Variants in SEC14L5 observed in about 807,000 individuals in gnomAD.
The protein encoded by SEC14L5 is SEC14-like protein 5.
A neutral mutation model predicts 84.6 loss-of-function variants in SEC14L5; 96 were observed. The ratio of observed to expected loss-of-function variants is 1.13; its 90% CI spans 0.96 to 1.34. The LOEUF is 1.34. SEC14L5 is among the 40% of genes most tolerant of loss of function. The pLI is 0.00. For missense variants in SEC14L5, 1,224 were observed against 942.5 expected (o/e 1.30, Z -3.91); for synonymous variants, 546 against 383.4 (o/e 1.42, Z -4.95).
chr16:4,966,156 C>T (rs1267678476), intron 2 of SEC14L5, among the ~76,000 whole-genome samples: 3 of 151,608 alleles, frequency 2.0e-5, no homozygotes, highest in East Asian at 1.9e-4. Context: ...TTAGTAGAGA[C>T]GGGGTTTCAC....
At chr16:4,999,263 C>G (rs985063850) in intron 8 of SEC14L5, among the ~76,000 whole-genome samples, 5 of 152,128 alleles carry the variant, frequency 3.3e-5, no homozygotes, top group Non-Finnish European at 5.9e-5. Flanking sequence ...GGCTGCTGGC[C>G]GTGAGTTCAA....
At chr16:4,985,182 T>A (rs903238789) in intron 2 of SEC14L5, among the ~76,000 whole-genome samples, 2 of 152,170 alleles carry the variant, frequency 1.3e-5, no homozygotes, top group Non-Finnish European at 2.9e-5. Context: ...CTAAGAGTTT[T>A]GTAGTTTTTA....
rs755321561 is a variant in SEC14L5, at chr16:5,015,179, C to G, written c.*209C>G. On this transcript the variant is annotated 3_prime_UTR_variant, in exon 16 of 16. Coordinates refer to ENST00000251170, the MANE Select transcript of SEC14L5 (RefSeq NM_014692.2). ...GCTCTTGAAATTGCAAGGACAGAAC[C>G]ATCTCCTTCCGGCTTCGTGTAAGGA... The G allele has an allele frequency of 4.0e-5, 23 of 572,998 alleles. No individual in the cohort carries two copies. The highest frequency in any genetic ancestry group is 5.9e-5 in the Non-Finnish European group (19 of 322,492). The allele number at this position is 572,998 out of a possible 1,614,324, so 35.5% of individuals were successfully genotyped here.
At chr16:4,997,533 AG>A (rs1197927760) in intron 8 of SEC14L5, among the ~76,000 whole-genome samples, 1 of 152,210 alleles carries the variant, frequency 6.6e-6, no homozygotes, top group Non-Finnish European at 1.5e-5. Flanking sequence ...TTGGGGCTTG[AG>A]GAGGAGACAT....
chr16:4,992,957 C>T (rs935791916), intron 6 of SEC14L5, among the ~76,000 whole-genome samples: 2 of 152,114 alleles, frequency 1.3e-5, no homozygotes, highest in East Asian at 1.9e-4. Flanking sequence ...CTAATGTTGC[C>T]TGAAAAACTT....
At position 5,011,009 on chromosome 16, in the gene SEC14L5, G is replaced by A. The variant is rs1955793364; in HGVS notation, c.1801-86G>A. ...GAGAAGAGCCCCAATTTCCAGGCCT[G>A]GTGATGAGAAGCCCATGAAGGCTCA... On this transcript the variant is annotated intron_variant, in intron 14 of 15. Coordinates refer to ENST00000251170, the MANE Select transcript of SEC14L5 (RefSeq NM_014692.2). The A allele has an allele frequency of 2.3e-6, 3 of 1,320,374 alleles. No individual in the cohort carries two copies. In the South Asian group the frequency reaches 4.2e-5, roughly 18 times the overall value. 81.8% of individuals were successfully genotyped at this position (1,320,374 alleles called of 1,614,324 possible).
intron 8 of SEC14L5, among the ~76,000 whole-genome samples, chr16:5,000,290 CAAATA>C (rs1555530638): frequency 6.6e-6 from 1 of 152,106 alleles, no homozygotes; most frequent in Non-Finnish European, 1.5e-5. Flanking sequence ...GACTCTGTCT[CAAATA>C]AATACATAAA....
intron 2 of SEC14L5, among the ~76,000 whole-genome samples, chr16:4,967,561 C>CATTTT: frequency 1.2e-5 from 1 of 86,272 alleles, no homozygotes; most frequent in Non-Finnish European, 2.2e-5. Flanking sequence ...TTCTTTCTTT[C>CATTTT]GTTTTTTTTT....
chr16:4,962,910 AC>A (rs1955143891), intron 2 of SEC14L5, among the ~76,000 whole-genome samples: 1 of 152,208 alleles, frequency 6.6e-6, no homozygotes, highest in Admixed American at 6.5e-5. Flanking sequence ...CGTAACTTGC[AC>A]ACTGTGGAAG....
intron 15 of SEC14L5, among the ~76,000 whole-genome samples, chr16:5,014,455 G>C (rs1177751600): frequency 1.3e-5 from 2 of 152,366 alleles, no homozygotes; most frequent in Middle Eastern, 6.8e-3. Flanking sequence ...CAGACAGCTG[G>C]GGGAGGAGAG....
At chr16:5,002,033 G>A (rs949702300) in intron 10 of SEC14L5, among the ~76,000 whole-genome samples, 5 of 152,228 alleles carry the variant, frequency 3.3e-5, no homozygotes, top group Admixed American at 3.3e-4. Context: ...GCCTTCCAAA[G>A]GGTTGGGATT....
intron 11 of SEC14L5, among the ~76,000 whole-genome samples, chr16:5,005,147 C>A (rs937571380): frequency 6.6e-6 from 1 of 152,118 alleles, no homozygotes; most frequent in East Asian, 1.9e-4. Flanking sequence ...TACAAAAGTA[C>A]AAAATTAAAA....
At chr16:4,971,866 CA>C (rs1955284738) in intron 2 of SEC14L5, among the ~76,000 whole-genome samples, 1 of 152,138 alleles carries the variant, frequency 6.6e-6, no homozygotes, top group African/African-American at 2.4e-5. Context: ...TACAATGTCC[CA>C]GGTGTTGTAC....
chr16:4,977,243 T>C (rs915872628), intron 2 of SEC14L5, among the ~76,000 whole-genome samples: 3 of 151,722 alleles, frequency 2.0e-5, no homozygotes, highest in African/African-American at 7.3e-5. Context: ...GGTCAGGAGT[T>C]CGAGACCAGC....
In SEC14L5 at chr16:5,006,481, G is replaced by A. The variant is rs141731685; in HGVS notation, c.1437+433G>A. Among the ~76,000 whole-genome samples, 335 of 152,272 alleles carry A rather than the reference G, an allele frequency of 2.2e-3. 1 individual carries two copies. The highest frequency in any genetic ancestry group is 7.4e-3 in the African/African-American group (308 of 41,556). ...CCTCCAACCCACAGCCACACAGCCT[G>A]AAACGATCAGGAACCCCCTTCAAGG... is the stretch of plus-strand genomic sequence containing the variant. On this transcript the variant is annotated intron_variant, in intron 12 of 15. Coordinates refer to ENST00000251170, the MANE Select transcript of SEC14L5 (RefSeq NM_014692.2).
At chr16:4,978,719 C>T (rs1213941110) in intron 2 of SEC14L5, among the ~76,000 whole-genome samples, 3 of 152,078 alleles carry the variant, frequency 2.0e-5, no homozygotes, top group Non-Finnish European at 4.4e-5. Context: ...TTTCCTGCCT[C>T]AGCCTCCCGA....
chr16:4,987,508 G>GA, intron 2 of SEC14L5, 49 bp from the exon 3 acceptor site: 2 of 1,445,166 alleles, frequency 1.4e-6, no homozygotes, highest in Non-Finnish European at 9.2e-7. Flanking sequence ...GGGGGGGGGG[G>GA]TCCCTCTGCC....
At chr16:4,994,531 A>G (rs1454751240) in intron 6 of SEC14L5, among the ~76,000 whole-genome samples, 1 of 151,982 alleles carries the variant, frequency 6.6e-6, no homozygotes, top group Non-Finnish European at 1.5e-5. Context: ...TTTAGTAGAG[A>G]CAGGGTTTCA....
chr16:5,013,530 G>T lies in SEC14L5; in HGVS notation c.1980-1329G>T, dbSNP rs1955832066. Among the ~76,000 whole-genome samples, 3 of 147,496 alleles carry T rather than the reference G, an allele frequency of 2.0e-5. No individual in the cohort carries two copies. In the Admixed American group the frequency reaches 2.0e-4, roughly 10 times the overall value. ...GCTTCCCAAGTAGCTGGGACTATAG[G>T]CATGGGCTAGCTTGCCTGGCTTTTT... On this transcript the variant is annotated intron_variant, in intron 15 of 15. Coordinates refer to ENST00000251170, the MANE Select transcript of SEC14L5 (RefSeq NM_014692.2).
Sources: gnomAD v4.1 joint callset for allele counts (sites outside exome capture counted in the v4.1 genomes callset) on GRCh38, gnomAD v4.1.1 for gene constraint, MANE v1.5 for transcripts, NCBI Gene and HGNC (gene_info 2026-07-23, HGNC 2026-07-21) for gene names.